The following HTR2C variants were observed in gnomAD, a reference collection of about 807,000 sequenced individuals.
The protein encoded by HTR2C is 5-hydroxytryptamine (serotonin) receptor 2C, G protein-coupled.
HTR2C carries 5 observed loss-of-function variants against 21.0 expected under a neutral mutation model. The ratio of observed to expected loss-of-function variants is 0.24; its 90% CI spans 0.12 to 0.50. The LOEUF (loss-of-function observed/expected upper bound fraction) is 0.50. HTR2C is among the 20% of genes least tolerant of loss of function. HTR2C has a pLI of 0.98. For synonymous variants in HTR2C, 150 were observed against 145.3 expected (o/e 1.03, Z -0.23); for missense variants, 271 against 371.2 (o/e 0.73, Z 2.22).
intron 2 of HTR2C, among the ~76,000 whole-genome samples, chrX:114,662,662 A>T (rs1471221664): frequency 2.7e-5 from 3 of 111,912 alleles, no homozygotes; most frequent in Non-Finnish European, 5.6e-5. Flanking sequence ...CATTAAAGGG[A>T]CCAATAACTT....
At chrX:114,679,128 C>T (rs111345053) in intron 2 of HTR2C, among the ~76,000 whole-genome samples, 1,405 of 111,439 alleles carry the variant, frequency 0.013, 7 homozygotes, top group Non-Finnish European at 0.02. Flanking sequence ...TTAAGCCCCT[C>T]CTGTGGGCAG....
intron 5 of HTR2C, among the ~76,000 whole-genome samples, chrX:114,854,305 A>G (rs185840668): frequency 8.9e-6 from 1 of 111,979 alleles, no homozygotes; most frequent in East Asian, 2.8e-4. Context: ...ATTTAAAATA[A>G]CAATAGTAAA....
chrX:114,634,114 G>A (rs1929751759), intron 2 of HTR2C, among the ~76,000 whole-genome samples: 1 of 109,867 alleles, frequency 9.1e-6, no homozygotes, highest in Non-Finnish European at 1.9e-5. Flanking sequence ...CTTGATGTGT[G>A]TCTTCATACT....
rs1168905399 is a variant in HTR2C at position 114,584,508 on chromosome X, C to G, written c.-298C>G. 8.8e-6 allele frequency: 1 copy of G among 113,116 alleles called. No homozygotes were observed. The highest frequency in any genetic ancestry group is 1.9e-5 in the Non-Finnish European group (1 of 53,344). 9.3% of individuals were successfully genotyped at this position (113,116 alleles called of 1,213,427 possible). On this transcript the variant is annotated 5_prime_UTR_variant, in exon 1 of 6. Transcript: ENST00000276198. ...GCGCCGAGCTCCCTCCATTCCTCTC[C>G]CTCCGCCGAGGCGCGAGGTTGCGGC...
intron 4 of HTR2C, among the ~76,000 whole-genome samples, chrX:114,795,613 A>G (rs782161891): frequency 9.0e-6 from 1 of 111,731 alleles, no homozygotes; most frequent in East Asian, 2.8e-4. Flanking sequence ...ACCATTTATT[A>G]AATAAGGAAT....
intron 2 of HTR2C, among the ~76,000 whole-genome samples, chrX:114,688,038 C>T (rs995902626): frequency 8.1e-5 from 9 of 111,241 alleles, no homozygotes; most frequent in South Asian, 7.6e-4. Context: ...TTGACATTCA[C>T]GGCCGAGCAC....
intron 2 of HTR2C, among the ~76,000 whole-genome samples, chrX:114,634,189 C>T (rs6655333): frequency 0.021 from 2,328 of 109,381 alleles, 68 homozygotes; most frequent in African/African-American, 0.074. Flanking sequence ...TTTATCTATA[C>T]GTTCTAACAG....
intron 2 of HTR2C, among the ~76,000 whole-genome samples, chrX:114,675,395 A>C (rs1164321835): frequency 3.6e-5 from 4 of 112,217 alleles, no homozygotes; most frequent in Non-Finnish European, 7.5e-5. Context: ...AAAATGCAGA[A>C]GTCTTCCATT....
At chrX:114,655,898 A>C (rs782771972) in intron 2 of HTR2C, among the ~76,000 whole-genome samples, 1 of 111,300 alleles carries the variant, frequency 9.0e-6, no homozygotes, top group South Asian at 3.7e-4. Context: ...TCATATTTCC[A>C]TTATCATTTC....
At chrX:114,890,270 T>C (rs1476903522) in intron 5 of HTR2C, among the ~76,000 whole-genome samples, 1 of 112,319 alleles carries the variant, frequency 8.9e-6, no homozygotes, top group Non-Finnish European at 1.9e-5. Context: ...AAACGTATAG[T>C]TGCATTTACC....
At chrX:114,818,685 G>A (rs2070606152) in intron 4 of HTR2C, among the ~76,000 whole-genome samples, 1 of 111,211 alleles carries the variant, frequency 9.0e-6, no homozygotes, top group Non-Finnish European at 1.9e-5. Context: ...CCTGCTGGCT[G>A]CCTCTTTGGT....
chrX:114,882,070 G>C (rs937140413), intron 5 of HTR2C, among the ~76,000 whole-genome samples: 4 of 109,709 alleles, frequency 3.6e-5, no homozygotes, highest in African/African-American at 1.3e-4. Context: ...CATTTCTTTG[G>C]TTAAAATTAT....
chrX:114,885,176 G>T (rs781863613), intron 5 of HTR2C, among the ~76,000 whole-genome samples: 5 of 111,357 alleles, frequency 4.5e-5, no homozygotes, highest in Non-Finnish European at 7.6e-5. Flanking sequence ...AAACTTAAAA[G>T]TAAAATATGT....
rs1932210246 is a variant in HTR2C, at chrX:114,694,484, T to TAC, written c.-79-32373_-79-32372insCA. 8.0e-4 allele frequency among the ~76,000 whole-genome samples: 7 copies of TAC among 8,797 alleles called. 1 individual carries two copies. The highest frequency in any genetic ancestry group is 2.0e-3 in the Admixed American group (1 of 492). The allele number at this position is 8,797 out of a possible 115,157, so 7.6% of individuals were successfully genotyped here. A position where few individuals can be genotyped will look rare whatever the true frequency, so the allele number is the denominator to read the frequency against. On this transcript the variant is annotated intron_variant, in intron 2 of 5. Coordinates refer to ENST00000276198, the MANE Select transcript of HTR2C (RefSeq NM_000868.4). ...ATATATATATATATATATATATATA[T>TAC]ATATATATACACACACAGATTTAGA...
intron 2 of HTR2C, among the ~76,000 whole-genome samples, chrX:114,715,746 A>G (rs1352622380): frequency 1.8e-5 from 2 of 112,018 alleles, no homozygotes; most frequent in African/African-American, 6.5e-5. Context: ...GGATCCATCT[A>G]ATGTATTTAC....
intron 4 of HTR2C, among the ~76,000 whole-genome samples, chrX:114,780,486 C>G (rs1349216404): frequency 2.7e-5 from 3 of 110,932 alleles, no homozygotes; most frequent in African/African-American, 9.9e-5. Flanking sequence ...AAGCTGACAC[C>G]CTAAAGAGCT....
At chrX:114,755,892 A>G (rs1294906398) in intron 4 of HTR2C, among the ~76,000 whole-genome samples, 2 of 111,183 alleles carry the variant, frequency 1.8e-5, no homozygotes, top group Non-Finnish European at 3.8e-5. Context: ...AGAGGATAGC[A>G]TGAGACCAGG....
At chrX:114,753,935 A>C (rs1194162760) in intron 4 of HTR2C, among the ~76,000 whole-genome samples, 1 of 111,460 alleles carries the variant, frequency 9.0e-6, no homozygotes, top group Non-Finnish European at 1.9e-5. Context: ...TGGAGGCTAG[A>C]AGTCAGAGGT....
At chrX:114,614,071 G>GAA (rs1217072844) in intron 2 of HTR2C, among the ~76,000 whole-genome samples, 190 bp downstream of exon 2, 20 of 102,814 alleles carry the variant, frequency 1.9e-4, no homozygotes, top group African/African-American at 6.0e-4. Flanking sequence ...AATGCAACCT[G>GAA]AAAAAAAAAA....
Sources: gnomAD v4.1 joint callset for allele counts (sites outside exome capture counted in the v4.1 genomes callset) on GRCh38, gnomAD v4.1.1 for gene constraint, MANE v1.5 for transcripts, NCBI Gene and HGNC (gene_info 2026-07-23, HGNC 2026-07-21) for gene names.